Variants in TFEC observed in about 807,000 individuals in gnomAD.
TFEC encodes the protein transcription factor EC.
Under a neutral mutation model 41.6 loss-of-function variants are expected in TFEC, and 31 were observed. The observed-to-expected ratio is 0.74, with a 90% CI of 0.56 to 1.01. The LOEUF is 1.01. Among genes scored for constraint, TFEC ranks in the 50% least tolerant of loss-of-function variants. The pLI is 0.00. For missense variants in TFEC, 402 were observed against 404.1 expected, an observed-to-expected ratio of 0.99 and a Z score of 0.04; for synonymous variants, 143 against 140.6, an observed-to-expected ratio of 1.02 and a Z score of -0.12.
intron 2 of TFEC, among the ~76,000 whole-genome samples, chr7:115,980,641 C>G (rs62477241): frequency 0.14 from 20,817 of 151,890 alleles, 1,921 homozygotes; most frequent in Non-Finnish European, 0.21. Flanking sequence ...TCCCAGCTAC[C>G]TGGGAGGCTG....
chr7:116,066,421 A>T (rs1348512361), intron 3 of TFEC, among the ~76,000 whole-genome samples: 1 of 152,076 alleles, frequency 6.6e-6, no homozygotes, highest in African/African-American at 2.4e-5. Context: ...AGATATTTTT[A>T]GTTTGTAATT....
chr7:116,000,337 G>A (rs1031758778), intron 1 of TFEC, among the ~76,000 whole-genome samples: 10 of 152,050 alleles, frequency 6.6e-5, no homozygotes, highest in African/African-American at 2.4e-4. Context: ...ACATAGGACA[G>A]ACCCACAGAT....
At chr7:116,109,871 T>C (rs147138539) in intron 3 of TFEC, among the ~76,000 whole-genome samples, 3,279 of 152,232 alleles carry the variant, frequency 0.022, 124 homozygotes, top group African/African-American at 0.074. Flanking sequence ...GTGGCATATA[T>C]CCACCATGGA....
chr7:116,138,740 T>C (rs1416127380), intron 1 of TFEC, among the ~76,000 whole-genome samples: 1 of 152,224 alleles, frequency 6.6e-6, no homozygotes, highest in African/African-American at 2.4e-5. Context: ...CTTTTAATTG[T>C]ATTGATTTCA....
chr7:116,065,880 ATAG>A (rs906217334), intron 3 of TFEC, among the ~76,000 whole-genome samples: 1 of 152,184 alleles, frequency 6.6e-6, no homozygotes, highest in Non-Finnish European at 1.5e-5. Flanking sequence ...GAATTGAAAC[ATAG>A]TAGATCTCAC....
chr7:115,974,253 C>G lies in TFEC; in HGVS notation c.184G>C (p.Glu62Gln), dbSNP rs1793267170. The change falls in exon 3 of 8, where the codon GAG becomes CAG. Residue 62 changes from glutamate to glutamine, a missense_variant. Glu to Gln is a conservative substitution (Grantham distance 29). Transcript: ENST00000265440. ...KEDDNAQWHM[E>Q]DVIEDIIGME... ...CCGATTATATCCTCAATAACGTCCT[C>G]CATCTAGCAAAATATAATACATTTA... 3.8e-6 allele frequency: 6 copies of G among 1,585,290 alleles called. No individual in the cohort carries two copies. The South Asian group carries it at 7.0e-5, about 18-fold the overall frequency.
At chr7:116,044,549 T>C (rs941670548) in intron 3 of TFEC, among the ~76,000 whole-genome samples, 33 of 152,360 alleles carry the variant, frequency 2.2e-4, no homozygotes, top group African/African-American at 7.2e-4. Flanking sequence ...TTGACTACTA[T>C]ATAAGCAAAA....
exon 3 of TFEC, chr7:116,110,842 T>G (rs1391247701): frequency 5.5e-5 from 85 of 1,545,868 alleles, no homozygotes; most frequent in Non-Finnish European, 7.1e-5. Flanking sequence ...ATTTGAAGTC[T>G]TCTCTCCTTT....
chr7:116,019,192 C>T lies in TFEC; in HGVS notation c.-73+11441G>A, dbSNP rs151298617. ...CAAAAACACTGGATCACTCTGAAAG[C>T]TCCTGGGCCTAGGAAACAAGGCACC... is the stretch of plus-strand genomic sequence containing the variant. On this transcript the variant is annotated intron_variant, in intron 1 of 7. Transcript: ENST00000265440. Among the ~76,000 whole-genome samples, 10 of 152,282 alleles carry T rather than the reference C, an allele frequency of 6.6e-5. No individual in the cohort carries two copies. The East Asian group carries it at 1.5e-3, about 24-fold the overall frequency.
intron 3 of TFEC, among the ~76,000 whole-genome samples, chr7:116,061,214 T>A (rs73448946): frequency 0.02 from 3,047 of 152,128 alleles, 89 homozygotes; most frequent in African/African-American, 0.068. Context: ...TCTTTCAAAC[T>A]TATAAAGTTT....
chr7:116,151,387 C>A (rs1282087005), intron 1 of TFEC, among the ~76,000 whole-genome samples: 1 of 151,918 alleles, frequency 6.6e-6, no homozygotes, highest in African/African-American at 2.4e-5. Context: ...GGGCTACAGG[C>A]ACCCACCACC....
chr7:115,985,957 G>T (rs1011537743), intron 1 of TFEC, among the ~76,000 whole-genome samples: 1 of 152,108 alleles, frequency 6.6e-6, no homozygotes, highest in Non-Finnish European at 1.5e-5. Flanking sequence ...CTATGCAACT[G>T]AATGCCAAAG....
chr7:116,062,288 G>A (rs1162460280), intron 3 of TFEC, among the ~76,000 whole-genome samples: 15 of 118,694 alleles, frequency 1.3e-4, no homozygotes, highest in Non-Finnish European at 2.1e-4. Context: ...TCACCATGTT[G>A]GCCAGGCTGG....
At chr7:116,031,943 T>G (rs1021257398), upstream of TFEC, among the ~76,000 whole-genome samples, 7 of 152,112 alleles carry the variant, frequency 4.6e-5, no homozygotes, top group Admixed American at 4.6e-4. Context: ...ACATTGATAT[T>G]AGAAACATTG....
At chr7:115,978,228 A>T (rs1215186370) in intron 2 of TFEC, among the ~76,000 whole-genome samples, 1 of 152,182 alleles carries the variant, frequency 6.6e-6, no homozygotes, top group African/African-American at 2.4e-5. Context: ...AACCAAAAGG[A>T]AATCCACAGT....
At chr7:115,956,876 C>T in intron 3 of TFEC, 83 bp from the exon 4 acceptor site, 2 of 782,378 alleles carry the variant, frequency 2.6e-6, no homozygotes, top group East Asian at 3.4e-5. Context: ...ACATTTTCCA[C>T]TTTAAATGTG....
intron 2 of TFEC, among the ~76,000 whole-genome samples, chr7:115,980,251 C>A (rs972652984): frequency 2.6e-5 from 4 of 152,180 alleles, no homozygotes; most frequent in East Asian, 3.8e-4. Context: ...ATTCTCCTAG[C>A]TTCTCTCTCT....
intron 3 of TFEC, among the ~76,000 whole-genome samples, chr7:116,045,952 T>C (rs1329792054): frequency 6.6e-6 from 1 of 152,176 alleles, no homozygotes; most frequent in Admixed American, 6.5e-5. Context: ...GACTGCTCCA[T>C]TGGATTTTTG....
chr7:115,984,337 A>T lies in TFEC; in HGVS notation c.105T>A (p.Ser35Arg), dbSNP rs1434928133. 1 of 1,614,106 alleles carries T rather than the reference A, an allele frequency of 6.2e-7. No homozygotes were observed. The highest frequency in any genetic ancestry group is 8.5e-7 in the Non-Finnish European group (1 of 1,179,966). The stretch of plus-strand genomic sequence containing the variant: ...GTGGGTTTTCTGTGAGGCCAGCATC[A>T]CTGTCCAGAGTTGTGTGTGCATGCT... Reference protein sequence around the residue: ...LVQHAHTTLDSDAGLTENPLT... With the variant: ...LVQHAHTTLDRDAGLTENPLT... The change falls in exon 2 of 8, where the codon AGT becomes AGA. Residue 35 changes from serine to arginine, a missense_variant. Physicochemically the swap from Ser to Arg is moderately radical, Grantham distance 110 (BLOSUM62 -1). Coordinates refer to ENST00000265440, the MANE Select transcript of TFEC (RefSeq NM_012252.4).
Sources: allele counts gnomAD v4.1 joint callset (sites outside exome capture counted in the v4.1 genomes callset), GRCh38; gene constraint gnomAD v4.1.1; transcripts MANE v1.5; gene names NCBI Gene and HGNC (gene_info 2026-07-23, HGNC 2026-07-21).